The following MTHFD1L variants were observed in gnomAD, a reference collection of about 807,000 sequenced individuals.
MTHFD1L encodes monofunctional C1-tetrahydrofolate synthase, mitochondrial.
Under a neutral mutation model 119.5 loss-of-function variants are expected in MTHFD1L, and 81 were observed. The ratio of observed to expected loss-of-function variants is 0.68; its 90% CI spans 0.57 to 0.82. MTHFD1L has a LOEUF of 0.82. Ranked by LOEUF, MTHFD1L falls within the 40% of genes least tolerant of loss-of-function variation. The pLI is 0.00. For synonymous variants in MTHFD1L, 430 were observed against 475.2 expected, an observed-to-expected ratio of 0.90 and a Z score of 1.24; for missense variants, 1,125 against 1,253.4, an observed-to-expected ratio of 0.90 and a Z score of 1.55.
intron 26 of MTHFD1L, among the ~76,000 whole-genome samples, chr6:151,076,132 A>C (rs1792479877): frequency 6.6e-6 from 1 of 152,236 alleles, no homozygotes. Flanking sequence ...ACACTTTGAC[A>C]GGCAGAGGCA....
At chr6:150,980,710 T>TAAAAA (rs375964703) in intron 20 of MTHFD1L, among the ~76,000 whole-genome samples, 2 of 120,954 alleles carry the variant, frequency 1.7e-5, no homozygotes, top group Admixed American at 8.4e-5. Context: ...ACCCTGTCTC[T>TAAAAA]AAAAAAAAAA....
intron 1 of MTHFD1L, among the ~76,000 whole-genome samples, chr6:150,868,092 G>T (rs977253584): frequency 3.3e-5 from 5 of 152,008 alleles, no homozygotes; most frequent in African/African-American, 1.2e-4. Context: ...GACCCACCGC[G>T]CCTGGGCTAT....
chr6:150,912,113 G>A (rs188823371), intron 8 of MTHFD1L, among the ~76,000 whole-genome samples: 1 of 151,888 alleles, frequency 6.6e-6, no homozygotes, highest in Admixed American at 6.6e-5. Flanking sequence ...TTTCATGAAG[G>A]GCCACCCCCA....
intron 24 of MTHFD1L, among the ~76,000 whole-genome samples, chr6:151,020,382 G>A (rs1783783742): frequency 6.6e-6 from 1 of 152,178 alleles, no homozygotes; most frequent in African/African-American, 2.4e-5. Flanking sequence ...CTTCCTAATG[G>A]CGAGCTCACA....
At position 150,953,424 on chromosome 6, in the gene MTHFD1L, C is replaced by T. The variant is rs557815044; in HGVS notation, c.1727-2571C>T. On this transcript the variant is annotated intron_variant, in intron 16 of 27. Transcript: ENST00000367321. Reference sequence around the variant, plus strand: ...GTCCTAGCATGCCTTACATAAGAGGCTGGCACTGTCTTCACTATATCTCTG... The same window carrying T: ...GTCCTAGCATGCCTTACATAAGAGGTTGGCACTGTCTTCACTATATCTCTG... Among the ~76,000 whole-genome samples the T allele has an allele frequency of 1.8e-4, 28 of 152,320 alleles. 2 individuals carry two copies. The South Asian group carries it at 5.8e-3, about 32-fold the overall frequency.
At chr6:150,978,504 T>C (rs1186492315) in intron 20 of MTHFD1L, among the ~76,000 whole-genome samples, 3 of 152,176 alleles carry the variant, frequency 2.0e-5, no homozygotes, top group Non-Finnish European at 4.4e-5. Context: ...AGGAGAAATA[T>C]GAGACAAGTG....
intron 8 of MTHFD1L, among the ~76,000 whole-genome samples, chr6:150,914,336 T>A (rs1787483600): frequency 6.6e-6 from 1 of 152,130 alleles, no homozygotes; most frequent in Non-Finnish European, 1.5e-5. Flanking sequence ...TTTAATTGCT[T>A]GTAATTAAAA....
intron 24 of MTHFD1L, among the ~76,000 whole-genome samples, chr6:151,023,494 C>T (rs1784236927): frequency 1.3e-5 from 2 of 152,134 alleles, no homozygotes; most frequent in Non-Finnish European, 2.9e-5. Flanking sequence ...CTGCCAGGCA[C>T]GTCATTCAGC....
chr6:150,877,908 C>A (rs1780724564), intron 4 of MTHFD1L, 82 bp downstream of exon 4: 1 of 1,516,784 alleles, frequency 6.6e-7, no homozygotes, highest in Non-Finnish European at 9.1e-7. Context: ...TTAGTGGTGG[C>A]TGGGACAGAT....
intron 19 of MTHFD1L, among the ~76,000 whole-genome samples, chr6:150,965,357 A>C (rs1019853362): frequency 2.0e-5 from 3 of 152,170 alleles, no homozygotes; most frequent in Non-Finnish European, 4.4e-5. Context: ...CCCGAGTAGA[A>C]ACTTAGAAAG....
At chr6:151,057,838 G>A (rs1368548358) in intron 26 of MTHFD1L, among the ~76,000 whole-genome samples, 2 of 152,182 alleles carry the variant, frequency 1.3e-5, no homozygotes, top group Non-Finnish European at 2.9e-5. Context: ...GAGTGCAGTG[G>A]TGCCATCTCG....
intron 26 of MTHFD1L, among the ~76,000 whole-genome samples, chr6:151,089,459 C>A (rs540017859): frequency 2.0e-5 from 3 of 152,078 alleles, no homozygotes; most frequent in African/African-American, 7.2e-5. Flanking sequence ...AAAAATTAGC[C>A]GGGCATGGTG....
chr6:151,015,556 G>A lies in MTHFD1L; in HGVS notation c.2449G>A (p.Ala817Thr), dbSNP rs770836139. 1.2e-6 allele frequency: 2 copies of A among 1,613,976 alleles called. No individual in the cohort carries two copies. Among genetic ancestry groups the A allele is most frequent in the African/African-American group, 2.7e-5 (2 of 74,916 alleles). Residue 817 changes from alanine to threonine, a missense_variant, in exon 24 of 28, where the codon GCA (alanine) becomes ACA (threonine). Around this residue, in one of 3 missense-constraint regions of MTHFD1L, gnomAD observed 1,058 missense variants for 1,151.2 expected, o/e 0.92. Coordinates refer to ENST00000367321, the MANE Select transcript of MTHFD1L (RefSeq NM_015440.5). The part of the protein sequence containing the change: ...RAEIDLVCEL[A>T]KRAGAFDAVP... ...TGAGATTGACTTGGTGTGTGAGCTT[G>A]CAAAGCGGGCTGGTGCCTTTGATGC... is the stretch of plus-strand genomic sequence containing the variant.
At chr6:151,088,691 A>T (rs1418489171) in intron 26 of MTHFD1L, among the ~76,000 whole-genome samples, 2 of 144,536 alleles carry the variant, frequency 1.4e-5, no homozygotes, top group Admixed American at 1.5e-4. Context: ...GGCTGACTTC[A>T]AGTGATCCGC....
At chr6:150,936,693 G>T in intron 11 of MTHFD1L, 111 bp from the exon 12 acceptor site, 1 of 1,263,958 alleles carries the variant, frequency 7.9e-7, no homozygotes. Context: ...ATTAAATTAT[G>T]GAGTGCATTT....
At chr6:151,019,086 G>A (rs1783562609) in intron 24 of MTHFD1L, among the ~76,000 whole-genome samples, 2 of 152,232 alleles carry the variant, frequency 1.3e-5, no homozygotes, top group Non-Finnish European at 2.9e-5. Context: ...TGGCCAAGGA[G>A]ACCCTGGGTT....
chr6:151,072,254 GCAATTTCATTTTA>G (rs1792033483), intron 26 of MTHFD1L, among the ~76,000 whole-genome samples: 1 of 152,070 alleles, frequency 6.6e-6, no homozygotes, highest in Admixed American at 6.6e-5. Flanking sequence ...GGTTTAGAAA[GCAATTTCATTTTA>G]AGCTCATTTT....
chr6:151,057,445 A>G, intron 26 of MTHFD1L: 2 of 587,606 alleles, frequency 3.4e-6, no homozygotes, highest in Non-Finnish European at 4.3e-6. Context: ...GTTTGAGACC[A>G]GCCTGGGCAA....
At chr6:150,873,040 G>A (rs189621243) in intron 1 of MTHFD1L, among the ~76,000 whole-genome samples, 5 of 152,100 alleles carry the variant, frequency 3.3e-5, no homozygotes, top group Non-Finnish European at 5.9e-5. Flanking sequence ...CTTTCAGCCC[G>A]GCGAGGTGGC....
Sources: allele counts gnomAD v4.1 joint callset (sites outside exome capture counted in the v4.1 genomes callset), GRCh38; gene constraint gnomAD v4.1.1; regional missense constraint gnomAD v4.1.1; transcripts MANE v1.5; gene names NCBI Gene and HGNC (gene_info 2026-07-23, HGNC 2026-07-21).